Variants in LPP observed in about 807,000 individuals in gnomAD.
The protein encoded by LPP is LIM domain containing preferred translocation partner in lipoma.
Under a neutral mutation model 60.4 loss-of-function variants are expected in LPP, and 38 were observed. The observed-to-expected ratio is 0.63, with a 90% CI of 0.49 to 0.83. The LOEUF (loss-of-function observed/expected upper bound fraction) is 0.83. Ranked by LOEUF, LPP falls within the 40% of genes least tolerant of loss-of-function variation. The probability of loss-of-function intolerance (pLI) is 0.00; values close to 1 mark genes in which losing one functional copy is unlikely to be tolerated. For synonymous variants in LPP, 328 were observed against 290.8 expected (o/e 1.13, Z -1.30); for missense variants, 902 against 783.6 (o/e 1.15, Z -1.80).
At chr3:188,792,171 G>A (rs989976674) in intron 9 of LPP, among the ~76,000 whole-genome samples, 1 of 152,126 alleles carries the variant, frequency 6.6e-6, no homozygotes, top group Non-Finnish European at 1.5e-5. Context: ...GAGTTTGTAG[G>A]ACAGGATACG....
At chr3:188,634,691 A>G (rs1421825520) in intron 7 of LPP, among the ~76,000 whole-genome samples, 1 of 152,172 alleles carries the variant, frequency 6.6e-6, no homozygotes, top group African/African-American at 2.4e-5. Flanking sequence ...CCTTATGAGA[A>G]TCTAATGCCT....
At chr3:188,723,396 C>G (rs549117691) in intron 8 of LPP, among the ~76,000 whole-genome samples, 2 of 152,310 alleles carry the variant, frequency 1.3e-5, no homozygotes, top group African/African-American at 4.8e-5. Flanking sequence ...TTAAAGCATT[C>G]TAATCAAGAG....
intron 2 of LPP, among the ~76,000 whole-genome samples, chr3:188,268,228 C>G (rs923657846): frequency 2.6e-5 from 4 of 151,960 alleles, no homozygotes; most frequent in African/African-American, 9.7e-5. Context: ...GCTAAGATCT[C>G]ATTTGAGCCT....
intron 9 of LPP, among the ~76,000 whole-genome samples, chr3:188,837,949 A>G (rs1242600048): frequency 5.3e-5 from 8 of 152,012 alleles, no homozygotes; most frequent in Non-Finnish European, 8.8e-5. Flanking sequence ...CTCTCTATCT[A>G]GTGTGGGAAA....
rs778366846 is a variant in LPP at position 188,484,641 on chromosome 3, TC to T, written c.245del (p.Pro82HisfsTer43). 1 of 1,614,070 alleles carries T rather than the reference TC, an allele frequency of 6.2e-7. No individual in the cohort carries two copies. The highest frequency in any genetic ancestry group is 8.5e-7 in the Non-Finnish European group (1 of 1,179,978). The part of the protein sequence containing the change: ...PPPLDDSSAL[P>X]SISGNFPPPP... ...CACCTCTAGATGATTCCAGTGCCCT[TC>T]CATCTATCTCTGGAAACTTTCCTCC... On this transcript the variant is annotated frameshift_variant, in exon 5 of 12. Coordinates refer to ENST00000617246, the MANE Select transcript of LPP (RefSeq NM_001375462.1). LOFTEE classifies it high-confidence loss of function.
At chr3:188,404,321 C>T (rs1002737730) in intron 3 of LPP, among the ~76,000 whole-genome samples, 2 of 152,128 alleles carry the variant, frequency 1.3e-5, no homozygotes, top group African/African-American at 2.4e-5. Context: ...CACAGCTTAC[C>T]GCAGCCTCAA....
In LPP at chr3:188,652,543, C is replaced by CAA. The variant is rs147103958; in HGVS notation, c.1113+42706_1113+42707dup. ...AAAACAGAACCGATTCTGTAAAATG[C>CAA]AAAAAAAACCCTTTTCTCTTGCATT... On this transcript the variant is annotated intron_variant, in intron 7 of 11. Transcript: ENST00000617246. Among the ~76,000 whole-genome samples the CAA allele has an allele frequency of 5.2e-3, 786 of 151,054 alleles. 1 individual carries two copies. The highest frequency in any genetic ancestry group is 0.014 in the Middle Eastern group (4 of 294).
intron 3 of LPP, among the ~76,000 whole-genome samples, chr3:188,382,945 T>C (rs1035083787): frequency 6.6e-6 from 1 of 152,146 alleles, no homozygotes; most frequent in Non-Finnish European, 1.5e-5. Flanking sequence ...CCTTAGTGTG[T>C]CTACTGACTC....
intron 8 of LPP, among the ~76,000 whole-genome samples, chr3:188,742,234 G>A (rs553975187): frequency 1.3e-5 from 2 of 152,162 alleles, no homozygotes; most frequent in South Asian, 2.1e-4. Flanking sequence ...AAACAGTTTG[G>A]TAGTGTCTTA....
At chr3:188,341,153 C>G (rs768886474) in intron 2 of LPP, among the ~76,000 whole-genome samples, 1 of 152,146 alleles carries the variant, frequency 6.6e-6, no homozygotes, top group Non-Finnish European at 1.5e-5. Context: ...TTTATTTTCT[C>G]TCTCCACCAA....
chr3:188,366,058 T>A (rs1261802300), intron 3 of LPP, among the ~76,000 whole-genome samples: 1 of 152,214 alleles, frequency 6.6e-6, no homozygotes. Context: ...ATTCCCCTGG[T>A]CCCGGTAGCC....
chr3:188,371,676 T>C (rs1273719322), intron 3 of LPP, among the ~76,000 whole-genome samples: 3 of 106,672 alleles, frequency 2.8e-5, no homozygotes, highest in African/African-American at 1.1e-4. Flanking sequence ...TTTTTTGAGA[T>C]GGAGACTTGC....
intron 3 of LPP, among the ~76,000 whole-genome samples, chr3:188,385,789 A>G (rs1036672636): frequency 2.6e-5 from 4 of 152,214 alleles, no homozygotes; most frequent in Non-Finnish European, 5.9e-5. Flanking sequence ...ATATTTTAAC[A>G]GGAAGATTCT....
At position 188,217,413 on chromosome 3, in the gene LPP, T is replaced by G. The variant is rs910110821; in HGVS notation, c.-189-7992T>G. ...ATAGGGTCTAGCAGGTGGTGGTAAG[T>G]GAGAGACCTGAGCTTCTTAGACCTG... is the stretch of plus-strand genomic sequence containing the variant. On this transcript the variant is annotated intron_variant, in intron 1 of 11. Transcript: ENST00000617246. The surrounding 1 kb of genome is among the most constrained non-coding windows in gnomAD (Gnocchi z 4.0). 6.6e-6 allele frequency among the ~76,000 whole-genome samples: 1 copy of G among 152,012 alleles called. No individual in the cohort carries two copies. The highest frequency in any genetic ancestry group is 2.4e-5 in the African/African-American group (1 of 41,364).
In LPP at chr3:188,760,128, G is replaced by A. The variant is rs1220186151; in HGVS notation, c.1256G>A (p.Cys419Tyr). Residue 419 changes from cysteine (C) to tyrosine (Y), a missense_variant, in exon 9 of 12, where the codon TGT becomes TAT. Coordinates refer to ENST00000617246, the MANE Select transcript of LPP (RefSeq NM_001375462.1). ...TTTTTTCCAGGCCGCTGTGCTCGCT[G>A]TGGAGAAAACGTAGTTGGGGAAGGT... is the stretch of plus-strand genomic sequence containing the variant. ...ADEYFGRCAR[C>Y]GENVVGEGTG... 1 of 1,614,052 alleles carries A rather than the reference G, an allele frequency of 6.2e-7. No individual in the cohort carries two copies. Among genetic ancestry groups the A allele is most frequent in the Non-Finnish European group, 8.5e-7 (1 of 1,179,976 alleles).
chr3:188,362,550 G>A (rs1010828446), intron 3 of LPP, among the ~76,000 whole-genome samples: 14 of 152,022 alleles, frequency 9.2e-5, no homozygotes, highest in African/African-American at 3.4e-4. Context: ...CTTAGCTTTT[G>A]TTTTTATTTG....
chr3:188,725,946 C>T (rs939230000), intron 8 of LPP, among the ~76,000 whole-genome samples: 1 of 152,004 alleles, frequency 6.6e-6, no homozygotes, highest in Non-Finnish European at 1.5e-5. Context: ...TAGAGACCAA[C>T]ACCAAAAAAA....
chr3:188,569,396 G>A (rs1249766396), intron 6 of LPP, among the ~76,000 whole-genome samples: 3 of 151,878 alleles, frequency 2.0e-5, no homozygotes, highest in Non-Finnish European at 4.4e-5. Context: ...GATTGTGAAT[G>A]AAAATTAGAA....
At chr3:188,384,797 AAAAAAAAAAAAAAAAAAAAAAAAAAAAAT>A (rs760200010) in intron 3 of LPP, among the ~76,000 whole-genome samples, 1,894 of 49,208 alleles carry the variant, frequency 0.038, 32 homozygotes, top group Non-Finnish European at 0.066. Flanking sequence ...CTCAAAAAAA[AAAAAAAAAAAAAAAAAAAAAAAAAAAAAT>A]TTCAGAAGTC....
Sources: gnomAD v4.1 joint callset for allele counts (sites outside exome capture counted in the v4.1 genomes callset) on GRCh38, gnomAD v4.1.1 for gene constraint, Gnocchi (gnomAD v3.1) non-coding constraint, MANE v1.5 for transcripts, NCBI Gene and HGNC (gene_info 2026-07-23, HGNC 2026-07-21) for gene names.